Variants in UTP20 observed in about 807,000 individuals in gnomAD.
UTP20 encodes the protein UTP20 small subunit processome component.
A neutral mutation model predicts 329.5 loss-of-function variants in UTP20; 164 were observed. The ratio of observed to expected loss-of-function variants is 0.50; its 90% confidence interval spans 0.44 to 0.57. The LOEUF is 0.57. UTP20 is among the 20% of genes least tolerant of loss of function. The probability of loss-of-function intolerance (pLI) is 0.00; values close to 1 mark genes in which losing one functional copy is unlikely to be tolerated. For missense variants in UTP20, 3,055 were observed against 3,284.2 expected (o/e 0.93, Z 1.71); for synonymous variants, 1,151 against 1,159.3 (o/e 0.99, Z 0.14).
chr12:101,308,041 CA>C (rs971830806), intron 17 of UTP20, 143 bp from the exon 18 acceptor site: 6,588 of 607,112 alleles, frequency 0.011, no homozygotes, highest in South Asian at 0.017. Flanking sequence ...AATCATTTAC[CA>C]AAAAAAAAAG....
intron 55 of UTP20, 105 bp downstream of exon 55, chr12:101,375,044 A>C: frequency 1.4e-6 from 1 of 726,798 alleles, no homozygotes; most frequent in Non-Finnish European, 2.2e-6. Context: ...ATTTATATTT[A>C]TAGCTATAGC....
At chr12:101,356,240 C>T (rs959469926) in intron 41 of UTP20, among the ~76,000 whole-genome samples, 4 of 152,194 alleles carry the variant, frequency 2.6e-5, no homozygotes, top group African/African-American at 9.7e-5. Context: ...GATTCTCCTG[C>T]CTCAGCCTCC....
intron 48 of UTP20, 150 bp downstream of exon 48, chr12:101,368,126 G>GTT (rs377394929): frequency 3.1e-3 from 1,390 of 446,096 alleles, no homozygotes; most frequent in Middle Eastern, 4.2e-3. Flanking sequence ...GGGTTTTTGG[G>GTT]TTTTTTTTTT....
At chr12:101,333,106 T>C (rs193088630) in intron 27 of UTP20, among the ~76,000 whole-genome samples, 195 bp from the exon 28 acceptor site, 123 of 152,368 alleles carry the variant, frequency 8.1e-4, no homozygotes, top group African/African-American at 2.8e-3. Context: ...TTTAAGACTC[T>C]GCTTTCTTTT....
Position 101,306,121 on chromosome 12 carries a change from G to A in UTP20, c.1932+56G>A, listed in dbSNP as rs978503546. 2.7e-6 allele frequency: 4 copies of A among 1,483,790 alleles called. No homozygotes were observed. The African/African-American group carries it at 5.7e-5, about 21-fold the overall frequency. 91.9% of individuals were successfully genotyped at this position (1,483,790 alleles called of 1,614,324 possible). A position where few individuals can be genotyped will look rare whatever the true frequency, so the allele number is the denominator to read the frequency against. On this transcript the variant is annotated intron_variant, in intron 16 of 61. Coordinates refer to ENST00000261637, the MANE Select transcript of UTP20 (RefSeq NM_014503.3). ...GTCTCTCTTCTCCTGTTTCTATATG[G>A]ACTGCAGTGGTTTTCAGAGCATCTT...
chr12:101,288,078 C>A (rs1390748719), intron 5 of UTP20, among the ~76,000 whole-genome samples: 1 of 152,236 alleles, frequency 6.6e-6, no homozygotes, highest in Non-Finnish European at 1.5e-5. Context: ...CTTCCAGTCT[C>A]TTTCATGCCT....
At position 101,366,610 on chromosome 12, in the gene UTP20, C is replaced by T. The variant is rs780774371; in HGVS notation, c.6178C>T (p.Leu2060=). 4 of 1,614,188 alleles carry T rather than the reference C, an allele frequency of 2.5e-6. No homozygotes were observed. The highest frequency in any genetic ancestry group is 2.7e-5 in the African/African-American group (2 of 75,052). ...DPRLPPQSCL[L]LPPTPVRGGQ... ...ACGTCTACCACCCCAGAGCTGCCTT[C>T]TGCTTCCCCCAACTCCAGTTCGAGG... Residue 2060 remains leucine, a synonymous_variant, in exon 47 of 62, where the codon CTG becomes TTG. Transcript: ENST00000261637.
chr12:101,320,995 C>T, intron 24 of UTP20, 58 bp downstream of exon 24: 1 of 1,438,882 alleles, frequency 6.9e-7, no homozygotes, highest in Non-Finnish European at 9.5e-7. Flanking sequence ...TATATTTCTG[C>T]CTAAGAGCCT....
chr12:101,319,409 A>T (rs1474155652), intron 22 of UTP20, 136 bp from the exon 23 acceptor site: 2 of 610,172 alleles, frequency 3.3e-6, no homozygotes, highest in Non-Finnish European at 5.4e-6. Flanking sequence ...GTAAATAACT[A>T]AGCCTTGTTT....
At position 101,374,846 on chromosome 12, in the gene UTP20, G is replaced by C; in HGVS notation, c.7170G>C (p.Leu2390Phe). Residue 2390 changes from leucine (L) to phenylalanine (F), a missense_variant, in exon 55 of 62, where the codon TTG becomes TTC. This residue lies in a region of UTP20 where 273 missense variants were observed against 363.1 expected (regional missense o/e 0.75). Transcript: ENST00000261637. ...AACTTGCTGCCCTGATCTGTGGCTT[G>C]TTTGTGGAAAGTGAAGGAGTTGATT... ...NRQLAALICG[L>F]FVESEGVDFE... 1 of 1,366,178 alleles carries C rather than the reference G, an allele frequency of 7.3e-7. No homozygotes were observed. Among genetic ancestry groups the C allele is most frequent in the Non-Finnish European group, 1.0e-6 (1 of 953,506 alleles). 84.6% of individuals were successfully genotyped at this position (1,366,178 alleles called of 1,614,324 possible).
Position 101,312,122 on chromosome 12 carries a change from C to G in UTP20, c.2398C>G (p.Leu800Val), listed in dbSNP as rs773438686. ...EQTQEGDVGA[L>V]YHEQLALKTD... ...GACCCAGGAAGGAGATGTTGGAGCTCTTTATCATGAGCAGTTAGCATTGAA... is the reference window on the plus strand; with the variant it reads ...GACCCAGGAAGGAGATGTTGGAGCTGTTTATCATGAGCAGTTAGCATTGAA... Residue 800 changes from leucine (L) to valine (V), a missense_variant, in exon 21 of 62, where the codon CTT (leucine) becomes GTT (valine). By Grantham distance (32) the Leu-to-Val change is conservative. Around this residue, in one of 3 missense-constraint regions of UTP20, gnomAD observed 2,445 missense variants for 2,575.5 expected, o/e 0.95. Coordinates refer to ENST00000261637, the MANE Select transcript of UTP20 (RefSeq NM_014503.3). The G allele has an allele frequency of 5.6e-6, 9 of 1,614,108 alleles. No homozygotes were observed. In the East Asian group the frequency reaches 1.8e-4, roughly 32 times the overall value.
In UTP20 at chr12:101,317,498, A is replaced by T; in HGVS notation, c.2573A>T (p.Asp858Val). Residue 858 changes from aspartate (D) to valine (V), a missense_variant, in exon 22 of 62, where the codon GAT becomes GTT. Coordinates refer to ENST00000261637, the MANE Select transcript of UTP20 (RefSeq NM_014503.3). ...RFINNEYYPA[D>V]LQVAPTQDLR... ...GGTAGCAATGAGTATTACCCAGCAG[A>T]TCTGCAAGTTGCTCCAACCCAGGAT... 1 of 1,614,120 alleles carries T rather than the reference A, an allele frequency of 6.2e-7. No homozygotes were observed. Among genetic ancestry groups the T allele is most frequent in the African/African-American group, 1.3e-5 (1 of 75,040 alleles).
chr12:101,363,807 C>CT, intron 45 of UTP20, 64 bp downstream of exon 45: 3 of 1,078,276 alleles, frequency 2.8e-6, no homozygotes, highest in Non-Finnish European at 4.2e-6. Context: ...CTAAAAGGAA[C>CT]CATGCGGGGC....
At chr12:101,343,222 T>A in intron 35 of UTP20, 129 bp downstream of exon 35, 1 of 579,840 alleles carries the variant, frequency 1.7e-6, no homozygotes, top group Admixed American at 3.7e-5. Context: ...TAAATTTCTT[T>A]TAGATGAAGA....
At chr12:101,294,515 A>G (rs1307975999) in intron 11 of UTP20, among the ~76,000 whole-genome samples, 2 of 147,976 alleles carry the variant, frequency 1.4e-5, no homozygotes, top group East Asian at 4.0e-4. Context: ...TGATTATATG[A>G]CCTTTTTGTA....
intron 47 of UTP20, among the ~76,000 whole-genome samples, chr12:101,367,019 C>G (rs1870116373): frequency 6.6e-6 from 1 of 152,054 alleles, no homozygotes; most frequent in African/African-American, 2.4e-5. Context: ...GTGGCTCACA[C>G]CCATAATCCC....
intron 22 of UTP20, among the ~76,000 whole-genome samples, chr12:101,319,090 G>A (rs1873068687): frequency 6.6e-6 from 1 of 152,088 alleles, no homozygotes; most frequent in Admixed American, 6.6e-5. Context: ...TTCCTTGTTG[G>A]TGAGCAACAG....
intron 1 of UTP20, among the ~76,000 whole-genome samples, chr12:101,280,735 C>T (rs961915178): frequency 5.3e-5 from 8 of 152,140 alleles, no homozygotes; most frequent in African/African-American, 1.9e-4. Context: ...GTTTCCAGGT[C>T]TTCCTTAGGA....
intron 26 of UTP20, among the ~76,000 whole-genome samples, chr12:101,328,824 G>T (rs1024500118): frequency 1.3e-5 from 2 of 148,736 alleles, no homozygotes; most frequent in African/African-American, 5.0e-5. Flanking sequence ...AGCCGAGATC[G>T]CCCCAGTGCA....
Sources: allele counts gnomAD v4.1 joint callset (sites outside exome capture counted in the v4.1 genomes callset), GRCh38; gene constraint gnomAD v4.1.1; regional missense constraint gnomAD v4.1.1; transcripts MANE v1.5; gene names NCBI Gene and HGNC (gene_info 2026-07-23, HGNC 2026-07-21).